Variants in CACNG2 observed in about 807,000 individuals in gnomAD.
CACNG2 encodes calcium voltage-gated channel auxiliary subunit gamma 2.
A neutral mutation model predicts 25.9 loss-of-function variants in CACNG2; 3 were observed. The ratio of observed to expected loss-of-function variants is 0.12; its 90% CI spans 0.05 to 0.30. The LOEUF (loss-of-function observed/expected upper bound fraction) is 0.30, where lower values mean the gene tolerates loss of function less well. Among genes scored for constraint, CACNG2 ranks in the 10% least tolerant of loss-of-function variants. The pLI is 1.00. For synonymous variants in CACNG2, 167 were observed against 173.3 expected, an observed-to-expected ratio of 0.96 and a Z score of 0.29; for missense variants, 341 against 432.5, an observed-to-expected ratio of 0.79 and a Z score of 1.88.
intron 1 of CACNG2, among the ~76,000 whole-genome samples, chr22:36,638,719 T>G (rs1402314199): frequency 1.3e-5 from 2 of 152,178 alleles, no homozygotes; most frequent in African/African-American, 4.8e-5. Flanking sequence ...GTTTTTCTCC[T>G]CCTCTATTTT....
chr22:36,683,020 G>T (rs761007543), intron 1 of CACNG2, among the ~76,000 whole-genome samples: 1 of 152,262 alleles, frequency 6.6e-6, no homozygotes, highest in African/African-American at 2.4e-5. Context: ...CATCCCAAAG[G>T]GGGCTCTTAC....
In CACNG2 at chr22:36,601,513, G is replaced by A. The variant is rs370097593; in HGVS notation, c.212-13965C>T. Among the ~76,000 whole-genome samples the A allele has an allele frequency of 1.2e-4, 18 of 150,794 alleles. No individual in the cohort carries two copies. The East Asian group carries it at 3.3e-3, about 28-fold the overall frequency. ...CTTTTTTATTTTTTATTTTTTTTTG[G>A]GACAGGGTCTCCCTTTGTTGCCTAG... On this transcript the variant is annotated intron_variant, in intron 1 of 3. Coordinates refer to ENST00000300105, the MANE Select transcript of CACNG2 (RefSeq NM_006078.5).
chr22:36,633,594 A>T (rs1022753426), intron 1 of CACNG2, among the ~76,000 whole-genome samples: 3 of 152,256 alleles, frequency 2.0e-5, no homozygotes, highest in African/African-American at 7.2e-5. Flanking sequence ...ATATGGTTAG[A>T]CAGCTATTTA....
chr22:36,661,579 T>A (rs575431808), intron 1 of CACNG2, among the ~76,000 whole-genome samples: 7 of 152,232 alleles, frequency 4.6e-5, no homozygotes, highest in Non-Finnish European at 1.0e-4. Context: ...AAATCTGTTT[T>A]GTCGGAGGCC....
At chr22:36,626,466 C>T (rs1242721331) in intron 1 of CACNG2, among the ~76,000 whole-genome samples, 2 of 152,114 alleles carry the variant, frequency 1.3e-5, no homozygotes, top group East Asian at 3.8e-4. Flanking sequence ...CTTCTTCCTT[C>T]CTCTTCCTCC....
intron 1 of CACNG2, among the ~76,000 whole-genome samples, chr22:36,677,640 G>A (rs1043821410): frequency 1.3e-5 from 2 of 152,190 alleles, no homozygotes; most frequent in Non-Finnish European, 2.9e-5. Flanking sequence ...GAGATAGCAG[G>A]TCACGAGTGT....
At chr22:36,629,996 T>A (rs1603502071) in intron 1 of CACNG2, among the ~76,000 whole-genome samples, 2 of 152,108 alleles carry the variant, frequency 1.3e-5, no homozygotes, top group East Asian at 3.9e-4. Flanking sequence ...CCTGCATCAG[T>A]CATGCAAAGC....
At chr22:36,591,867 G>A (rs1569022983) in intron 1 of CACNG2, among the ~76,000 whole-genome samples, 1 of 151,946 alleles carries the variant, frequency 6.6e-6, no homozygotes, top group African/African-American at 2.4e-5. Context: ...GTGGGAGGGT[G>A]TAACACTTCT....
At chr22:36,653,350 G>A (rs966919198) in intron 1 of CACNG2, among the ~76,000 whole-genome samples, 6 of 141,906 alleles carry the variant, frequency 4.2e-5, no homozygotes, top group African/African-American at 9.4e-5. Flanking sequence ...AACAAAAAAC[G>A]GATGAGTTGC....
intron 1 of CACNG2, among the ~76,000 whole-genome samples, chr22:36,625,109 A>G (rs1411529993): frequency 6.6e-6 from 1 of 151,738 alleles, no homozygotes; most frequent in Admixed American, 6.6e-5. Flanking sequence ...GTCCTAATGT[A>G]AAAGGTGTCA....
At chr22:36,660,669 G>C (rs972635356) in intron 1 of CACNG2, among the ~76,000 whole-genome samples, 13 of 152,216 alleles carry the variant, frequency 8.5e-5, no homozygotes, top group African/African-American at 2.9e-4. Context: ...CAGCGTGTGC[G>C]CTTGGCTGTT....
At chr22:36,575,973 G>A (rs1200974552) in intron 2 of CACNG2, among the ~76,000 whole-genome samples, 1 of 152,234 alleles carries the variant, frequency 6.6e-6, no homozygotes, top group African/African-American at 2.4e-5. Flanking sequence ...GTTGCAAGGA[G>A]CTTTCTAGTC....
chr22:36,640,744 A>G (rs1368130859), intron 1 of CACNG2, among the ~76,000 whole-genome samples: 2 of 152,220 alleles, frequency 1.3e-5, no homozygotes, highest in Non-Finnish European at 2.9e-5. Context: ...CCCAGCAGCC[A>G]GAGCCAGCTT....
intron 1 of CACNG2, among the ~76,000 whole-genome samples, chr22:36,641,866 T>C (rs1163288033): frequency 6.6e-6 from 1 of 152,242 alleles, no homozygotes; most frequent in African/African-American, 2.4e-5. Flanking sequence ...ACAGTTCATG[T>C]CTCAGAAATG....
intron 1 of CACNG2, among the ~76,000 whole-genome samples, chr22:36,700,945 C>T (rs2146023014): frequency 6.6e-6 from 1 of 152,240 alleles, no homozygotes; most frequent in African/African-American, 2.4e-5. Context: ...GGGAGGGGGG[C>T]ATGGGATTTG....
chr22:36,647,649 C>T (rs975721607), intron 1 of CACNG2, among the ~76,000 whole-genome samples: 2 of 152,180 alleles, frequency 1.3e-5, no homozygotes, highest in Non-Finnish European at 2.9e-5. Flanking sequence ...TCTCTAGCTA[C>T]CCTGCCTTTC....
chr22:36,626,553 G>A (rs1272995158), intron 1 of CACNG2, among the ~76,000 whole-genome samples: 2 of 152,130 alleles, frequency 1.3e-5, no homozygotes, highest in Admixed American at 6.5e-5. Flanking sequence ...TCATTGGTCT[G>A]TTCTCTTCTT....
intron 1 of CACNG2, among the ~76,000 whole-genome samples, chr22:36,630,203 TG>T (rs1416362110): frequency 2.0e-5 from 3 of 151,888 alleles, no homozygotes; most frequent in Non-Finnish European, 4.4e-5. Context: ...TTGTAAGGGG[TG>T]GCAGTGGGTA....
At chr22:36,618,351 C>T (rs983023898) in intron 1 of CACNG2, among the ~76,000 whole-genome samples, 8 of 151,972 alleles carry the variant, frequency 5.3e-5, no homozygotes, top group Admixed American at 1.3e-4. Context: ...CTGCCCCAGT[C>T]TGCTGCCAGG....
Sources: gnomAD v4.1 joint callset for allele counts (sites outside exome capture counted in the v4.1 genomes callset) on GRCh38, gnomAD v4.1.1 for gene constraint, MANE v1.5 for transcripts, NCBI Gene and HGNC (gene_info 2026-07-23, HGNC 2026-07-21) for gene names.